Variants in SUSD1 observed in about 807,000 individuals in gnomAD.
The protein encoded by SUSD1 is sushi domain-containing protein 1.
A neutral mutation model predicts 86.9 loss-of-function variants in SUSD1; 65 were observed. The ratio of observed to expected loss-of-function variants is 0.75; its 90% CI spans 0.61 to 0.92. The LOEUF is 0.92. Ranked by LOEUF, SUSD1 falls within the 40% of genes least tolerant of loss-of-function variation. The pLI, the probability that SUSD1 is intolerant of heterozygous loss-of-function variation, is 0.00. For missense variants in SUSD1, 850 were observed against 929.7 expected (o/e 0.91, Z 1.11); for synonymous variants, 346 against 350.0 (o/e 0.99, Z 0.13).
chr9:112,084,202 A>C, intron 10 of SUSD1, among the ~76,000 whole-genome samples: 1 of 152,198 alleles, frequency 6.6e-6, no homozygotes, highest in East Asian at 1.9e-4. Flanking sequence ...TAACAGTAGC[A>C]TTGTCTGTAA....
At chr9:112,155,655 G>A (rs1833265998) in intron 2 of SUSD1, among the ~76,000 whole-genome samples, 1 of 151,282 alleles carries the variant, frequency 6.6e-6, no homozygotes, top group African/African-American at 2.4e-5. Flanking sequence ...ATCTTGTTCT[G>A]TCGCCCAGAC....
chr9:112,103,890 G>A (rs909478140), intron 8 of SUSD1, among the ~76,000 whole-genome samples: 3 of 152,072 alleles, frequency 2.0e-5, no homozygotes, highest in African/African-American at 4.8e-5. Context: ...ATCAAGACAG[G>A]TCACAAGACA....
chr9:112,167,414 T>C (rs960072818), intron 1 of SUSD1, among the ~76,000 whole-genome samples: 3 of 152,212 alleles, frequency 2.0e-5, no homozygotes, highest in African/African-American at 7.2e-5. Context: ...GGTCTCTCAT[T>C]TTAATCCATG....
chr9:112,157,393 T>A lies in SUSD1; in HGVS notation c.217+107A>T, dbSNP rs1185649916. The A allele has an allele frequency of 9.5e-6, 7 of 738,010 alleles. No homozygotes were observed. The African/African-American group carries it at 1.2e-4, about 13-fold the overall frequency. 45.7% of individuals were successfully genotyped at this position (738,010 alleles called of 1,614,324 possible). ...GACAAAACTTCTCATAATAAAAACA[T>A]GTGAACAAAATAACAATGTTTTTCC... On this transcript the variant is annotated intron_variant, in intron 2 of 16. Coordinates refer to ENST00000374270, the MANE Select transcript of SUSD1 (RefSeq NM_022486.5).
At chr9:112,151,441 A>G (rs983159786) in intron 2 of SUSD1, among the ~76,000 whole-genome samples, 2 of 151,380 alleles carry the variant, frequency 1.3e-5, no homozygotes, top group Non-Finnish European at 2.9e-5. Flanking sequence ...TACTAAAAAT[A>G]CAAAAATTAG....
At chr9:112,048,227 C>A (rs1828038879) in intron 15 of SUSD1, among the ~76,000 whole-genome samples, 1 of 152,178 alleles carries the variant, frequency 6.6e-6, no homozygotes. Flanking sequence ...AGCTTAAGTA[C>A]ATCTCCAAAA....
intron 10 of SUSD1, among the ~76,000 whole-genome samples, chr9:112,080,542 G>C (rs1589624514): frequency 6.6e-6 from 1 of 152,066 alleles, no homozygotes; most frequent in Non-Finnish European, 1.5e-5. Context: ...ACAAAAACTA[G>C]CTGGGCGTGG....
At chr9:112,110,160 C>T (rs1460797914) in intron 8 of SUSD1, among the ~76,000 whole-genome samples, 1 of 151,938 alleles carries the variant, frequency 6.6e-6, no homozygotes, top group Non-Finnish European at 1.5e-5. Flanking sequence ...ACCAGCCTGG[C>T]CAATAAGGTG....
In SUSD1 at chr9:112,130,666, T is replaced by G. The variant is rs375721477; in HGVS notation, c.707-6230A>C. On this transcript the variant is annotated intron_variant, in intron 5 of 16. Coordinates refer to ENST00000374270, the MANE Select transcript of SUSD1 (RefSeq NM_022486.5). ...AAGAGAGAGAGAATATAGCATTCAT[T>G]GAAATACTCCCAAACACAAGGTAGT... Among the ~76,000 whole-genome samples the G allele has an allele frequency of 7.2e-5, 11 of 152,038 alleles. No individual in the cohort carries two copies. The South Asian group carries it at 2.3e-3, about 32-fold the overall frequency.
chr9:112,149,514 A>G lies in SUSD1; in HGVS notation c.218-115T>C, dbSNP rs976878437. 3.4e-6 allele frequency: 4 copies of G among 1,178,070 alleles called. No homozygotes were observed. The African/African-American group carries it at 6.1e-5, about 18-fold the overall frequency. The allele number at this position is 1,178,070 out of a possible 1,614,324, so 73.0% of individuals were successfully genotyped here. A position where few individuals can be genotyped will look rare whatever the true frequency, so the allele number is the denominator to read the frequency against. On this transcript the variant is annotated intron_variant, in intron 2 of 16. Transcript: ENST00000374270. ...AACCAACGTTCTGTGACCACACCTT[A>G]GTGATCTATTTCTCCAGCCTCTTCT...
Position 112,142,415 on chromosome 9 carries a change from T to C in SUSD1, c.611A>G (p.Tyr204Cys), listed in dbSNP as rs143124314. 3.1e-6 allele frequency: 5 copies of C among 1,614,124 alleles called. No individual in the cohort carries two copies. The highest frequency in any genetic ancestry group is 4.2e-6 in the Non-Finnish European group (5 of 1,180,020). ...YTSSLGSQVR[Y>C]ACREGFFSVP... ...ACTGAAGAATCCTTCTCTGCAAGCA[T>C]AACGAACCTGGCTGCCCAGACTAGA... The change falls in exon 5 of 17, where the codon TAT becomes TGT. Residue 204 changes from tyrosine (Y) to cysteine (C), a missense_variant. By Grantham distance (194) the Tyr-to-Cys change is radical. Transcript: ENST00000374270.
intron 6 of SUSD1, among the ~76,000 whole-genome samples, chr9:112,120,158 T>A (rs1359087751): frequency 6.6e-6 from 1 of 152,074 alleles, no homozygotes; most frequent in Non-Finnish European, 1.5e-5. Context: ...TTTTTAAAAT[T>A]TAGCCATGCG....
intron 1 of SUSD1, among the ~76,000 whole-genome samples, chr9:112,173,160 G>A (rs534779187): frequency 3.9e-5 from 6 of 152,148 alleles, no homozygotes; most frequent in South Asian, 2.1e-4. Flanking sequence ...CACTGTTCTC[G>A]GAGATAGAGC....
rs1827755518 is a variant in SUSD1 at position 112,041,882 on chromosome 9, G to C, written c.2228C>G (p.Ser743Cys). Residue 743 changes from serine to cysteine, a missense_variant, in exon 16 of 17, where the codon TCC becomes TGC. Coordinates refer to ENST00000374270, the MANE Select transcript of SUSD1 (RefSeq NM_022486.5). ...CCTCACATACCACACCGCTGAGAAGGAGAGGAATGTGAGAATGATCACAAC... is the reference window on the plus strand; with the variant it reads ...CCTCACATACCACACCGCTGAGAAGCAGAGGAATGTGAGAATGATCACAAC... ...LAVVIILTFLSFSAV is the reference protein window; with the variant it reads ...LAVVIILTFLCFSAV 6.2e-7 allele frequency: 1 copy of C among 1,613,852 alleles called. No homozygotes were observed. The highest frequency in any genetic ancestry group is 8.5e-7 in the Non-Finnish European group (1 of 1,179,860).
At chr9:112,142,170 A>G (rs2131753731) in intron 5 of SUSD1, 150 bp downstream of exon 5, 1 of 639,558 alleles carries the variant, frequency 1.6e-6, no homozygotes, top group Middle Eastern at 4.0e-4. Flanking sequence ...CTGAAAAATC[A>G]AGAAAATCAC....
intron 15 of SUSD1, among the ~76,000 whole-genome samples, chr9:112,042,954 G>C (rs926631475): frequency 6.6e-6 from 1 of 152,178 alleles, no homozygotes; most frequent in African/African-American, 2.4e-5. Context: ...AATTATAACC[G>C]AGAAAATTAT....
chr9:112,084,930 C>A (rs139995952), intron 10 of SUSD1, among the ~76,000 whole-genome samples: 1 of 152,118 alleles, frequency 6.6e-6, no homozygotes, highest in African/African-American at 2.4e-5. Context: ...TATGGGCAAG[C>A]GACTCTTGGC....
At position 112,041,776 on chromosome 9, in the gene SUSD1, T is replaced by C. The variant is rs952715865; in HGVS notation, c.2243+91A>G. 1.0e-5 allele frequency: 13 copies of C among 1,303,968 alleles called. No individual in the cohort carries two copies. The African/African-American group carries it at 1.9e-4, about 19-fold the overall frequency. 80.8% of individuals were successfully genotyped at this position (1,303,968 alleles called of 1,614,324 possible). ...AGGACAACCTCCACCCACACTCCCT[T>C]TGACTCCCCTCATCCCCAGCTGTTC... On this transcript the variant is annotated intron_variant, in intron 16 of 16. Transcript: ENST00000374270.
At chr9:112,049,513 G>A (rs1828098478) in intron 15 of SUSD1, among the ~76,000 whole-genome samples, 1 of 152,188 alleles carries the variant, frequency 6.6e-6, no homozygotes, top group Non-Finnish European at 1.5e-5. Context: ...ACCGACTGCT[G>A]GTTTCCTGAT....
Sources: gnomAD v4.1 joint callset for allele counts (sites outside exome capture counted in the v4.1 genomes callset) on GRCh38, gnomAD v4.1.1 for gene constraint, MANE v1.5 for transcripts, NCBI Gene and HGNC (gene_info 2026-07-23, HGNC 2026-07-21) for gene names.